Variants in PTPRN2 observed in about 807,000 individuals in gnomAD.
PTPRN2 encodes protein tyrosine phosphatase receptor type N2, also known as receptor-type tyrosine-protein phosphatase N2.
In PTPRN2, 74 loss-of-function variants were observed where a neutral mutation model predicts 118.8. That is an observed-to-expected ratio of 0.62 (90% confidence interval 0.52 to 0.76). The LOEUF is 0.76. Ranked by LOEUF, PTPRN2 falls within the 30% of genes least tolerant of loss-of-function variation. The probability of loss-of-function intolerance (pLI) is 0.00; values close to 1 mark genes in which losing one functional copy is unlikely to be tolerated. For synonymous variants in PTPRN2, 641 were observed against 608.0 expected (o/e 1.05, Z -0.80); for missense variants, 1,481 against 1,394.4 (o/e 1.06, Z -0.99).
chr7:157,897,821 G>T (rs377055621), intron 12 of PTPRN2, among the ~76,000 whole-genome samples: 1 of 152,276 alleles, frequency 6.6e-6, no homozygotes, highest in Non-Finnish European at 1.5e-5. Context: ...TGTGCAGCGA[G>T]CACACTCATA....
intron 2 of PTPRN2, among the ~76,000 whole-genome samples, chr7:158,398,288 ATAT>A (rs1468526902): frequency 2.0e-5 from 3 of 152,228 alleles, no homozygotes; most frequent in African/African-American, 7.2e-5. Flanking sequence ...TAAATGCTAG[ATAT>A]TATTATCCCA....
At chr7:157,939,364 C>T (rs1240500075) in intron 11 of PTPRN2, among the ~76,000 whole-genome samples, 1 of 152,244 alleles carries the variant, frequency 6.6e-6, no homozygotes, top group African/African-American at 2.4e-5. Context: ...GGACAGCACA[C>T]ATGTGGGCCA....
intron 12 of PTPRN2, among the ~76,000 whole-genome samples, chr7:157,829,004 T>C (rs1168708923): frequency 1.3e-5 from 2 of 152,282 alleles, no homozygotes; most frequent in African/African-American, 4.8e-5. Context: ...CATCCCCATC[T>C]TAAAACCAAA....
chr7:158,173,859 C>T (rs540044518), intron 5 of PTPRN2, among the ~76,000 whole-genome samples: 1 of 152,322 alleles, frequency 6.6e-6, no homozygotes, highest in African/African-American at 2.4e-5. Flanking sequence ...TGCCCGACCC[C>T]GCAGGCAGTC....
At chr7:158,379,890 A>G (rs1204143249) in intron 2 of PTPRN2, among the ~76,000 whole-genome samples, 1 of 152,298 alleles carries the variant, frequency 6.6e-6, no homozygotes, top group Non-Finnish European at 1.5e-5. Context: ...TGGAAGGCAA[A>G]GAGGAGCAAA....
chr7:158,279,041 C>T (rs1377987027), intron 3 of PTPRN2, among the ~76,000 whole-genome samples: 1 of 152,154 alleles, frequency 6.6e-6, no homozygotes, highest in African/African-American at 2.4e-5. Flanking sequence ...AAAGAGTGAG[C>T]ACCAGCAAAA....
chr7:158,417,447 A>G (rs1393494871), intron 2 of PTPRN2, among the ~76,000 whole-genome samples: 1 of 143,604 alleles, frequency 7.0e-6, no homozygotes. Context: ...TGTAGCTTTC[A>G]GTGTCCCGCT....
chr7:158,442,038 T>A (rs1469239748), intron 2 of PTPRN2, among the ~76,000 whole-genome samples: 1 of 150,472 alleles, frequency 6.6e-6, no homozygotes, highest in East Asian at 2.0e-4. Context: ...ATAGTGATGG[T>A]GGTGACAGTG....
chr7:158,353,512 G>A (rs1490185883), intron 2 of PTPRN2, among the ~76,000 whole-genome samples: 1 of 152,180 alleles, frequency 6.6e-6, no homozygotes, highest in African/African-American at 2.4e-5. Context: ...CAATTGAAAT[G>A]GGGTTTCTGG....
chr7:157,589,833 C>A (rs578240446), intron 17 of PTPRN2, among the ~76,000 whole-genome samples: 1 of 152,342 alleles, frequency 6.6e-6, no homozygotes, highest in African/African-American at 2.4e-5. Flanking sequence ...AGTCCAGACG[C>A]CAGCCGAGGC....
intron 2 of PTPRN2, among the ~76,000 whole-genome samples, chr7:158,336,539 C>CAGATGT (rs1805574168): frequency 7.2e-6 from 1 of 138,602 alleles, no homozygotes; most frequent in African/African-American, 2.7e-5. Flanking sequence ...GTGAAACCTG[C>CAGATGT]CGACGTCACT....
At position 157,957,436 on chromosome 7, in the gene PTPRN2, C is replaced by A. The variant is rs10949676; in HGVS notation, c.1724-58699G>T. On this transcript the variant is annotated intron_variant, in intron 11 of 22. Coordinates refer to ENST00000389418, the MANE Select transcript of PTPRN2 (RefSeq NM_002847.5). Reference sequence around the variant, plus strand: ...CCATGGAATCAAAATGCGATCAGAGCATTATGGCCAAATAATCCCTAAGAA... The same window carrying A: ...CCATGGAATCAAAATGCGATCAGAGAATTATGGCCAAATAATCCCTAAGAA... 3.5e-3 allele frequency among the ~76,000 whole-genome samples: 540 copies of A among 152,122 alleles called. 3 individuals are homozygous for A. The highest frequency in any genetic ancestry group is 5.9e-3 in the Non-Finnish European group (402 of 67,980).
chr7:157,783,058 C>T (rs1005131857), intron 12 of PTPRN2, among the ~76,000 whole-genome samples: 3 of 152,174 alleles, frequency 2.0e-5, no homozygotes, highest in African/African-American at 4.8e-5. Flanking sequence ...CAAGATCTGA[C>T]GGTTTTATCA....
intron 13 of PTPRN2, among the ~76,000 whole-genome samples, chr7:157,670,858 C>T (rs1014532689): frequency 2.6e-5 from 4 of 152,242 alleles, no homozygotes; most frequent in African/African-American, 7.2e-5. Flanking sequence ...AGAAACAAGT[C>T]ATCCGCCTTC....
intron 11 of PTPRN2, among the ~76,000 whole-genome samples, chr7:157,959,030 C>T (rs1433256614): frequency 6.6e-6 from 1 of 152,174 alleles, no homozygotes; most frequent in Non-Finnish European, 1.5e-5. Flanking sequence ...GGCAGAAAGG[C>T]AGACATATAG....
chr7:158,313,408 G>T lies in PTPRN2; in HGVS notation c.277+3411C>A, dbSNP rs575521431. On this transcript the variant is annotated intron_variant, in intron 3 of 22. Coordinates refer to ENST00000389418, the MANE Select transcript of PTPRN2 (RefSeq NM_002847.5). ...AAGATGACTTTTCACTGTCTAGAGA[G>T]TCCAACAGCCCAGGACACACAGTCC... Among the ~76,000 whole-genome samples the T allele has an allele frequency of 3.9e-5, 6 of 152,314 alleles. No homozygotes were observed. In the South Asian group the frequency reaches 1.2e-3, roughly 32 times the overall value.
At chr7:157,890,250 C>T (rs917005569) in intron 12 of PTPRN2, among the ~76,000 whole-genome samples, 5 of 152,126 alleles carry the variant, frequency 3.3e-5, no homozygotes, top group African/African-American at 1.2e-4. Context: ...TTCACCCTGC[C>T]TACCATGGAG....
intron 21 of PTPRN2, among the ~76,000 whole-genome samples, chr7:157,551,699 ACCCCACAGCCACCACACAC>A: frequency 9.3e-6 from 1 of 107,858 alleles, no homozygotes; most frequent in South Asian, 3.2e-4. Flanking sequence ...GCCACCACAC[ACCCCACAGCCACCACACAC>A]CCCACAGCCA....
rs977589153 is a variant in PTPRN2, at chr7:158,546,455, G to A, written c.112+41103C>T. 6.6e-6 allele frequency among the ~76,000 whole-genome samples: 1 copy of A among 152,220 alleles called. No homozygotes were observed. Among genetic ancestry groups the A allele is most frequent in the Non-Finnish European group, 1.5e-5 (1 of 68,034 alleles). On this transcript the variant is annotated intron_variant, in intron 1 of 22. Transcript: ENST00000389418. The surrounding 1 kb of genome is among the most constrained non-coding windows in gnomAD (Gnocchi z 5.0). ...TGGAATCACAGCCGCCGGGTTAAGG[G>A]GCTCATGGCGGAGGCAAGCCCCAGT...
Sources: gnomAD v4.1 joint callset for allele counts (sites outside exome capture counted in the v4.1 genomes callset) on GRCh38, gnomAD v4.1.1 for gene constraint, Gnocchi (gnomAD v3.1) non-coding constraint, MANE v1.5 for transcripts, NCBI Gene and HGNC (gene_info 2026-07-23, HGNC 2026-07-21) for gene names.